Variants in LIPA observed in about 807,000 individuals in gnomAD.
The protein encoded by LIPA is lipase A, lysosomal acid type.
LIPA carries 26 observed loss-of-function variants against 40.6 expected under a neutral mutation model. The observed-to-expected ratio is 0.64, with a 90% CI of 0.47 to 0.89. The LOEUF (loss-of-function observed/expected upper bound fraction) is 0.89, where lower values mean the gene tolerates loss of function less well. Ranked by LOEUF, LIPA falls within the 40% of genes least tolerant of loss-of-function variation. The pLI, the probability that LIPA is intolerant of heterozygous loss-of-function variation, is 0.00. For missense variants in LIPA, 455 were observed against 479.6 expected (o/e 0.95, Z 0.48); for synonymous variants, 188 against 168.4 (o/e 1.12, Z -0.90).
At chr10:89,336,146 TAGGGAGGGAGGA>T (rs1459607424) in intron 1 of LIPA, among the ~76,000 whole-genome samples, 2 of 101,002 alleles carry the variant, frequency 2.0e-5, no homozygotes, top group African/African-American at 4.1e-5. Context: ...AGAAGGAAAA[TAGGGAGGGAGGA>T]AGGGAGGGAG....
At chr10:89,241,561 A>C (rs1187098801) in intron 3 of LIPA, among the ~76,000 whole-genome samples, 1 of 152,072 alleles carries the variant, frequency 6.6e-6, no homozygotes, top group Non-Finnish European at 1.5e-5. Context: ...AATCAAAGCA[A>C]AATACAAGCT....
At chr10:89,276,080 T>C (rs1843287754) in intron 1 of LIPA, among the ~76,000 whole-genome samples, 1 of 152,236 alleles carries the variant, frequency 6.6e-6, no homozygotes, top group Admixed American at 6.5e-5. Context: ...AAAGGTAGGC[T>C]CTGGATAGGG....
chr10:89,223,535 C>T, intron 7 of LIPA, 149 bp downstream of exon 7: 2 of 702,464 alleles, frequency 2.8e-6, no homozygotes, highest in South Asian at 3.5e-5. Flanking sequence ...GTATTCTAGG[C>T]ATTGGCCAAA....
intron 1 of LIPA, among the ~76,000 whole-genome samples, chr10:89,317,242 C>T (rs1376464062): frequency 6.6e-6 from 1 of 152,192 alleles, no homozygotes; most frequent in Non-Finnish European, 1.5e-5. Flanking sequence ...AAGAAGGCTG[C>T]AGACAATCGG....
chr10:89,233,088 G>A lies in LIPA; in HGVS notation c.230-4690C>T, dbSNP rs145254914. On this transcript the variant is annotated intron_variant, in intron 3 of 9. Coordinates refer to ENST00000336233, the MANE Select transcript of LIPA (RefSeq NM_000235.4). ...GGAATTACTTTATCCTTTGAAGGAG[G>A]CTTCCAGAGAATAAGTCAAAGACAC... Among the ~76,000 whole-genome samples, 852 of 152,230 alleles carry A rather than the reference G, an allele frequency of 5.6e-3. 7 individuals carry two copies. Among genetic ancestry groups the A allele is most frequent in the African/African-American group, 0.019 (801 of 41,504 alleles).
At chr10:89,342,313 T>A (rs1399871034) in intron 1 of LIPA, among the ~76,000 whole-genome samples, 1 of 152,224 alleles carries the variant, frequency 6.6e-6, no homozygotes, top group Non-Finnish European at 1.5e-5. Context: ...CACTCTTAAC[T>A]CTTGCCTGGC....
rs201691522 is a variant in LIPA at position 89,327,554 on chromosome 10, A to AC, written c.-2+15056_-2+15057insG. On this transcript the variant is annotated intron_variant, in intron 1 of 5. Transcript: ENST00000282673. ...CAACAGAGTAAGACTCTGTCTCAAA[A>AC]AAAAACAAAAACAAAAACAAAAAAA... is the stretch of plus-strand genomic sequence containing the variant. Among the ~76,000 whole-genome samples, 76 of 152,206 alleles carry AC rather than the reference A, an allele frequency of 5.0e-4. 1 individual carries two copies. The East Asian group carries it at 0.014, about 28-fold the overall frequency.
At chr10:89,294,586 T>C (rs759993441) in intron 1 of LIPA, among the ~76,000 whole-genome samples, 3 of 152,212 alleles carry the variant, frequency 2.0e-5, no homozygotes, top group Non-Finnish European at 2.9e-5. Context: ...CACTGCCACA[T>C]TGGGGATCAA....
In LIPA at chr10:89,214,891, C is replaced by T; in HGVS notation, c.1137G>A (p.Trp379Ter). 6.2e-7 allele frequency: 1 copy of T among 1,613,994 alleles called. No homozygotes were observed. Among genetic ancestry groups the T allele is most frequent in the Non-Finnish European group, 8.5e-7 (1 of 1,179,890 alleles). ...AAAGCCTCCAAGGGGCATCCAGGCC[C>T]CAAATGAAGTCAAGATGCTCCCATT... ...IPEWEHLDFI[W>*]GLDAPWRLYN... The change falls in exon 10 of 10, where the codon TGG becomes TGA. Residue 379 changes from tryptophan to a stop codon, truncating the protein, a stop_gained. Transcript: ENST00000336233. LOFTEE classifies it high-confidence loss of function.
chr10:89,350,638 T>C (rs987379188), intron 2 of LIPA, among the ~76,000 whole-genome samples: 10 of 150,446 alleles, frequency 6.6e-5, no homozygotes, highest in African/African-American at 2.4e-4. Context: ...TTGCAGGGGG[T>C]TGGGGGGAGA....
chr10:89,405,687 ATCTC>A (rs1473804296), intron 2 of LIPA: 2 of 152,078 alleles, frequency 1.3e-5, no homozygotes, highest in African/African-American at 2.4e-5. Context: ...GTAGCCTCAA[ATCTC>A]TCTCTCTGCT....
chr10:89,404,617 A>C (rs1844499175), intron 2 of LIPA: 1 of 152,192 alleles, frequency 6.6e-6, no homozygotes, highest in South Asian at 2.1e-4. Context: ...TTCCTCCAAG[A>C]GCCTGCTTTT....
chr10:89,295,277 C>T (rs776605570), intron 1 of LIPA, among the ~76,000 whole-genome samples: 19 of 152,076 alleles, frequency 1.2e-4, no homozygotes, highest in Admixed American at 3.9e-4. Flanking sequence ...ATTCCTCTAA[C>T]AAGTGCGAAT....
chr10:89,396,351 C>T lies in LIPA; in HGVS notation c.61+16440G>A, dbSNP rs996762613. Among the ~76,000 whole-genome samples the T allele has an allele frequency of 5.9e-5, 9 of 152,154 alleles. No individual in the cohort carries two copies. The South Asian group carries it at 6.2e-4, about 11-fold the overall frequency. On this transcript the variant is annotated intron_variant, in intron 2 of 8. Coordinates refer to the LIPA transcript ENST00000371837. ...AAAAGGTTTATTTAGCTCACAGTTC[C>T]GCAGCCCATACAAGAAGTATGGTGC...
At chr10:89,314,653 C>T (rs777145670) in intron 1 of LIPA, 8 of 151,918 alleles carry the variant, frequency 5.3e-5, no homozygotes, top group Non-Finnish European at 1.2e-4. Flanking sequence ...GGCTACAGAG[C>T]GAGACTCTGT....
chr10:89,404,277 C>CT (rs1844493860), intron 2 of LIPA: 1 of 152,740 alleles, frequency 6.5e-6, no homozygotes, highest in South Asian at 2.1e-4. Context: ...CCAGACTCCC[C>CT]TCCCCTCTTG....
chr10:89,267,414 G>C (rs1843242002), intron 1 of LIPA, among the ~76,000 whole-genome samples: 1 of 152,126 alleles, frequency 6.6e-6, no homozygotes, highest in African/African-American at 2.4e-5. Context: ...CCTGCTCCAG[G>C]CAGTCCCAGC....
At chr10:89,314,174 T>C (rs758662985) in intron 1 of LIPA, among the ~76,000 whole-genome samples, 7 of 152,212 alleles carry the variant, frequency 4.6e-5, no homozygotes, top group Admixed American at 1.3e-4. Flanking sequence ...TCACATTCGG[T>C]AGATATGTTA....
chr10:89,275,171 C>G (rs112376547), intron 1 of LIPA, among the ~76,000 whole-genome samples: 3 of 152,256 alleles, frequency 2.0e-5, no homozygotes, highest in Non-Finnish European at 2.9e-5. Context: ...GGAAAAGAAG[C>G]AACTATTTAG....
Sources: allele counts gnomAD v4.1 joint callset (sites outside exome capture counted in the v4.1 genomes callset), GRCh38; gene constraint gnomAD v4.1.1; transcripts MANE v1.5; gene names NCBI Gene and HGNC (gene_info 2026-07-23, HGNC 2026-07-21).